The following FKBP11 variants were observed in gnomAD, a reference collection of about 807,000 sequenced individuals.
FKBP11 encodes FKBP prolyl isomerase 11.
A neutral mutation model predicts 24.7 loss-of-function variants in FKBP11; 21 were observed. That is an observed-to-expected ratio of 0.85 (90% CI 0.60 to 1.23). The LOEUF (loss-of-function observed/expected upper bound fraction) is 1.23, where lower values mean the gene tolerates loss of function less well. Ranked by LOEUF, FKBP11 falls within the 50% of genes most tolerant of loss-of-function variation. The pLI is 0.00. For missense variants in FKBP11, 245 were observed against 248.7 expected (o/e 0.99, Z 0.10); for synonymous variants, 106 against 100.6 (o/e 1.05, Z -0.32).
chr12:48,938,638 AC>A, the FKBP11 span: 1 of 430,782 alleles, frequency 2.3e-6, no homozygotes, highest in East Asian at 6.1e-5. Context: ...CAAAGAGAAT[AC>A]CCCACTCGAC....
the FKBP11 span, chr12:48,937,332 T>C: frequency 6.6e-6 from 1 of 152,312 alleles, no homozygotes; most frequent in African/African-American, 2.4e-5. Context: ...GGCAGCTGTC[T>C]CGGAGCTCAG....
the FKBP11 span, among the ~76,000 whole-genome samples, chr12:48,932,144 C>T: frequency 7.6e-6 from 1 of 132,060 alleles, no homozygotes; most frequent in Non-Finnish European, 1.6e-5. Flanking sequence ...AATCCCATCT[C>T]TATTTTTTTT....
Position 48,924,227 on chromosome 12 carries a change from C to T in FKBP11, c.313G>A (p.Val105Met), listed in dbSNP as rs150798141. 6 of 1,614,212 alleles carry T rather than the reference C, an allele frequency of 3.7e-6. No individual in the cohort carries two copies. The East Asian group carries it at 8.9e-5, about 24-fold the overall frequency. ...CACCCCTGCCGAGATACTCACCCCACACACATGTCGAGAAGACTCTGCTCC... is the reference window on the plus strand; with the variant it reads ...CACCCCTGCCGAGATACTCACCCCATACACATGTCGAGAAGACTCTGCTCC... Reference protein sequence around the residue: ...GLEQSLLDMCVGEKRRAIIPS... With the variant: ...GLEQSLLDMCMGEKRRAIIPS... Residue 105 changes from valine (V) to methionine (M), a missense_variant, in exon 4 of 6, where the codon GTG (valine) becomes ATG (methionine). Val to Met is a conservative substitution (Grantham distance 21). Coordinates refer to ENST00000550765, the MANE Select transcript of FKBP11 (RefSeq NM_016594.3).
chr12:48,928,757 G>A (rs908228790), upstream of FKBP11, among the ~76,000 whole-genome samples: 2 of 151,780 alleles, frequency 1.3e-5, no homozygotes, highest in South Asian at 2.1e-4. Context: ...GGGATCACAG[G>A]TGTAAGCCAC....
At chr12:48,928,264 C>T (rs185094135), upstream of FKBP11, among the ~76,000 whole-genome samples, 4 of 151,520 alleles carry the variant, frequency 2.6e-5, no homozygotes, top group South Asian at 2.1e-4. Flanking sequence ...AGACTGGTCT[C>T]GAACTCCTGG....
intron 5 of FKBP11, chr12:48,923,423 G>GC (rs990713554): frequency 7.0e-5 from 107 of 1,520,854 alleles, no homozygotes; most frequent in Middle Eastern, 2.3e-4. Context: ...GGAAGGGGTG[G>GC]GGGGTGGCTG....
upstream of FKBP11, among the ~76,000 whole-genome samples, chr12:48,927,704 C>A (rs909066106): frequency 3.3e-5 from 5 of 152,134 alleles, no homozygotes; most frequent in African/African-American, 1.2e-4. Flanking sequence ...CCCTAATCAT[C>A]TTTCCTTCCT....
chr12:48,928,764 C>A (rs961005018), upstream of FKBP11, among the ~76,000 whole-genome samples: 1 of 151,790 alleles, frequency 6.6e-6, no homozygotes, highest in East Asian at 1.9e-4. Context: ...CAGGTGTAAG[C>A]CACCATGCAC....
At chr12:48,924,461 A>G in intron 3 of FKBP11, 100 bp downstream of exon 3, 1 of 1,147,808 alleles carries the variant, frequency 8.7e-7, no homozygotes, top group Non-Finnish European at 1.3e-6. Context: ...CTAGGGTCTT[A>G]CTCATTTCAG....
chr12:48,935,150 T>C, the FKBP11 span, among the ~76,000 whole-genome samples: 1 of 149,584 alleles, frequency 6.7e-6, no homozygotes, highest in Non-Finnish European at 1.5e-5. Context: ...TCTTGAGGAG[T>C]AGGTGGGTAA....
chr12:48,923,156 A>C, intron 5 of FKBP11: 1 of 1,131,534 alleles, frequency 8.8e-7, no homozygotes, highest in Non-Finnish European at 1.1e-6. Flanking sequence ...CTCAAAAAAA[A>C]AAAAAGAATT....
chr12:48,925,355 G>A lies in FKBP11; in HGVS notation c.74C>T (p.Ala25Val), dbSNP rs1174320414. 2 of 1,607,646 alleles carry A rather than the reference G, an allele frequency of 1.2e-6. No homozygotes were observed. The highest frequency in any genetic ancestry group is 1.1e-5 in the South Asian group (1 of 89,576). ...ACTTTCGGTTTCGAGCCCAGCCTCA[G>A]CCCGGCACACCGCCGCACTGAGCAG... Reference protein sequence around the residue: ...LLLLSAAVCRAEAGLETESPV... With the variant: ...LLLLSAAVCRVEAGLETESPV... Residue 25 changes from alanine (A) to valine (V), a missense_variant, in exon 1 of 6, where the codon GCT (alanine) becomes GTT (valine). By Grantham distance (64) the Ala-to-Val change is moderately conservative. Coordinates refer to ENST00000550765, the MANE Select transcript of FKBP11 (RefSeq NM_016594.3).
At chr12:48,923,342 T>C in intron 5 of FKBP11, 1 of 1,428,758 alleles carries the variant, frequency 7.0e-7, no homozygotes, top group African/African-American at 1.4e-5. Context: ...CTTTAACAGT[T>C]GCTTTTTGTT....
At position 48,924,347 on chromosome 12, in the gene FKBP11, A is replaced by G. The variant is rs1028905705; in HGVS notation, c.284-91T>C. On this transcript the variant is annotated intron_variant, in intron 3 of 5. Coordinates refer to ENST00000550765, the MANE Select transcript of FKBP11 (RefSeq NM_016594.3). ...TCAAAGTCTTCCTCCTCCATCCTCA[A>G]TTGACCTTTCCCTCACTTCTTAAAT... 10 of 1,504,620 alleles carry G rather than the reference A, an allele frequency of 6.6e-6. No homozygotes were observed. The East Asian group carries it at 9.0e-5, about 14-fold the overall frequency. The allele number at this position is 1,504,620 out of a possible 1,614,324, so 93.2% of individuals were successfully genotyped here.
At chr12:48,928,471 G>A (rs1299603751), upstream of FKBP11, among the ~76,000 whole-genome samples, 1 of 151,548 alleles carries the variant, frequency 6.6e-6, no homozygotes, top group Non-Finnish European at 1.5e-5. Flanking sequence ...TAATTTTTGT[G>A]TATTTATTAT....
chr12:48,928,645 A>G (rs766132200), upstream of FKBP11, among the ~76,000 whole-genome samples: 5 of 151,156 alleles, frequency 3.3e-5, no homozygotes, highest in Non-Finnish European at 7.4e-5. Flanking sequence ...ACACCAGGCT[A>G]ATTTTGTATT....
At chr12:48,926,698 T>G (rs567939398), upstream of FKBP11, among the ~76,000 whole-genome samples, 13 of 151,836 alleles carry the variant, frequency 8.6e-5, no homozygotes, top group African/African-American at 2.9e-4. Context: ...TCTCCATGTC[T>G]GTCAGGCTGG....
At chr12:48,933,567 T>G in the FKBP11 span, among the ~76,000 whole-genome samples, 1 of 152,084 alleles carries the variant, frequency 6.6e-6, no homozygotes, top group Non-Finnish European at 1.5e-5. Context: ...CTGGGCATGG[T>G]GGCACATACC....
At chr12:48,930,956 C>T (rs542919798), upstream of FKBP11, among the ~76,000 whole-genome samples, 33 of 151,724 alleles carry the variant, frequency 2.2e-4, no homozygotes, top group African/African-American at 7.0e-4. Flanking sequence ...GGTGAAACCC[C>T]GTCTCTACTA....
Sources: gnomAD v4.1 joint callset for allele counts (sites outside exome capture counted in the v4.1 genomes callset) on GRCh38, gnomAD v4.1.1 for gene constraint, MANE v1.5 for transcripts, NCBI Gene and HGNC (gene_info 2026-07-23, HGNC 2026-07-21) for gene names.